The following LHFPL3 variants were observed in gnomAD, a reference collection of about 807,000 sequenced individuals.
The protein encoded by LHFPL3 is LHFPL tetraspan subfamily member 3.
In LHFPL3, 5 loss-of-function variants were observed where a neutral mutation model predicts 19.3. The ratio of observed to expected loss-of-function variants is 0.26; its 90% CI spans 0.14 to 0.54. The LOEUF is 0.54. Ranked by LOEUF, LHFPL3 falls within the 20% of genes least tolerant of loss-of-function variation. LHFPL3 has a pLI of 0.94. For synonymous variants in LHFPL3, 133 were observed against 126.2 expected (o/e 1.05, Z -0.36); for missense variants, 249 against 307.4 (o/e 0.81, Z 1.42).
chr7:104,519,967 T>A (rs913401331), intron 1 of LHFPL3, among the ~76,000 whole-genome samples: 7 of 152,090 alleles, frequency 4.6e-5, no homozygotes, highest in Admixed American at 4.6e-4. Flanking sequence ...AATGTTAAGT[T>A]ATCAACACAC....
chr7:104,676,768 G>A (rs762795360), intron 1 of LHFPL3, among the ~76,000 whole-genome samples: 4 of 152,214 alleles, frequency 2.6e-5, no homozygotes, highest in Admixed American at 6.5e-5. Flanking sequence ...ATGCTGGTAA[G>A]TTTGTAAAGT....
chr7:104,342,906 G>A (rs941210548), intron 1 of LHFPL3, among the ~76,000 whole-genome samples: 4 of 152,112 alleles, frequency 2.6e-5, no homozygotes, highest in African/African-American at 7.2e-5. Flanking sequence ...CACATAGTGT[G>A]CAGAGAACAA....
chr7:104,651,636 A>G (rs191976932), intron 1 of LHFPL3, among the ~76,000 whole-genome samples: 12 of 152,372 alleles, frequency 7.9e-5, no homozygotes, highest in African/African-American at 2.6e-4. Context: ...ATACAATAGA[A>G]GTAGAAGTGA....
At chr7:104,624,852 T>G (rs1791513899) in intron 1 of LHFPL3, among the ~76,000 whole-genome samples, 1 of 152,220 alleles carries the variant, frequency 6.6e-6, no homozygotes, top group Admixed American at 6.5e-5. Context: ...GTTTAAGAGA[T>G]ATTTATCTCC....
At chr7:104,427,268 G>A (rs994922602) in intron 1 of LHFPL3, among the ~76,000 whole-genome samples, 1 of 151,992 alleles carries the variant, frequency 6.6e-6, no homozygotes, top group Admixed American at 6.6e-5. Flanking sequence ...ATGTGAACTT[G>A]TAAAGCTGGC....
At chr7:104,619,986 C>T (rs1412673113) in intron 1 of LHFPL3, among the ~76,000 whole-genome samples, 2 of 152,188 alleles carry the variant, frequency 1.3e-5, no homozygotes, top group Admixed American at 1.3e-4. Flanking sequence ...AGGGCTTGTG[C>T]TCCTATGAGA....
In LHFPL3 at chr7:104,762,374, G is replaced by A. The variant is rs75738260; in HGVS notation, c.682+25463G>A. Among the ~76,000 whole-genome samples the A allele has an allele frequency of 7.6e-3, 1,154 of 152,332 alleles. 18 individuals are homozygous for A. The highest frequency in any genetic ancestry group is 0.025 in the African/African-American group (1,045 of 41,572). On this transcript the variant is annotated intron_variant, in intron 2 of 2. Coordinates refer to ENST00000424859, the MANE Select transcript of LHFPL3 (RefSeq NM_199000.3). ...GTCATGACCAATGAAAGGGTGGTGT[G>A]TGCAATGGAGAATCTCAAAAATTAG...
chr7:104,747,811 G>A (rs1794078488), intron 2 of LHFPL3, among the ~76,000 whole-genome samples: 2 of 152,116 alleles, frequency 1.3e-5, no homozygotes, highest in Non-Finnish European at 2.9e-5. Context: ...GCTTCTAAGA[G>A]CATAATATTT....
chr7:104,544,174 G>T (rs944791429), intron 1 of LHFPL3, among the ~76,000 whole-genome samples: 3 of 151,970 alleles, frequency 2.0e-5, no homozygotes, highest in African/African-American at 4.8e-5. Context: ...TATTCCAAAT[G>T]CTTATCGTCA....
intron 1 of LHFPL3, among the ~76,000 whole-genome samples, chr7:104,492,930 C>A (rs754917494): frequency 1.3e-5 from 2 of 152,146 alleles, no homozygotes; most frequent in African/African-American, 4.8e-5. Flanking sequence ...CCACTAGATT[C>A]TTCTCTTGAG....
At chr7:104,677,080 AG>A (rs1007944710) in intron 1 of LHFPL3, among the ~76,000 whole-genome samples, 1 of 152,250 alleles carries the variant, frequency 6.6e-6, no homozygotes, top group African/African-American at 2.4e-5. Flanking sequence ...AAGTAATAAC[AG>A]AAAAATAACC....
chr7:104,426,907 T>G (rs1414890562), intron 1 of LHFPL3, among the ~76,000 whole-genome samples: 1 of 152,182 alleles, frequency 6.6e-6, no homozygotes, highest in Non-Finnish European at 1.5e-5. Flanking sequence ...AAATTGTGTT[T>G]TATTCATACT....
chr7:104,554,007 C>T (rs1794710594), intron 1 of LHFPL3, among the ~76,000 whole-genome samples: 1 of 152,090 alleles, frequency 6.6e-6, no homozygotes, highest in Non-Finnish European at 1.5e-5. Flanking sequence ...CACGTGATAC[C>T]CCAGATTCTT....
At chr7:104,667,935 T>C in intron 1 of LHFPL3, 1 of 1,613,310 alleles carries the variant, frequency 6.2e-7, no homozygotes. Flanking sequence ...TGACGATGTG[T>C]ACAGGGCGCC....
intron 2 of LHFPL3, among the ~76,000 whole-genome samples, chr7:104,747,900 T>C (rs1296716577): frequency 1.3e-5 from 2 of 152,224 alleles, no homozygotes; most frequent in African/African-American, 4.8e-5. Context: ...TTTTCTTCAA[T>C]TAATAAATTG....
intron 1 of LHFPL3, among the ~76,000 whole-genome samples, chr7:104,601,859 T>A (rs1349711024): frequency 6.6e-6 from 1 of 152,136 alleles, no homozygotes; most frequent in Admixed American, 6.5e-5. Context: ...TGTTCCATGG[T>A]TCCCCACATT....
intron 1 of LHFPL3, among the ~76,000 whole-genome samples, chr7:104,665,400 G>A (rs893142573): frequency 1.3e-5 from 2 of 152,158 alleles, no homozygotes; most frequent in Non-Finnish European, 2.9e-5. Flanking sequence ...AGATTTAAAA[G>A]CCAGGTTCTA....
chr7:104,654,986 C>T (rs1308320658), intron 1 of LHFPL3, among the ~76,000 whole-genome samples: 5 of 152,090 alleles, frequency 3.3e-5, no homozygotes, highest in African/African-American at 9.7e-5. Context: ...GACACATTCC[C>T]TGCCTCAGAA....
intron 1 of LHFPL3, among the ~76,000 whole-genome samples, chr7:104,682,400 T>A (rs1225603179): frequency 6.6e-6 from 1 of 152,108 alleles, no homozygotes; most frequent in Non-Finnish European, 1.5e-5. Flanking sequence ...CATTTTAAGA[T>A]CCCCAGGTGA....
Sources: allele counts gnomAD v4.1 joint callset (sites outside exome capture counted in the v4.1 genomes callset), GRCh38; gene constraint gnomAD v4.1.1; transcripts MANE v1.5; gene names NCBI Gene and HGNC (gene_info 2026-07-23, HGNC 2026-07-21).